The following TSHZ2 variants were observed in gnomAD, a reference collection of about 807,000 sequenced individuals.
TSHZ2 encodes the protein teashirt zinc finger homeobox 2.
Under a neutral mutation model 74.4 loss-of-function variants are expected in TSHZ2, and 21 were observed. That is an observed-to-expected ratio of 0.28 (90% confidence interval 0.20 to 0.41). The LOEUF (loss-of-function observed/expected upper bound fraction) is 0.41, where lower values mean the gene tolerates loss of function less well. Among genes scored for constraint, TSHZ2 ranks in the 10% least tolerant of loss-of-function variants. The pLI, the probability that TSHZ2 is intolerant of heterozygous loss-of-function variation, is 1.00. For missense variants in TSHZ2, 1,244 were observed against 1,293.5 expected (o/e 0.96, Z 0.59); for synonymous variants, 540 against 515.3 (o/e 1.05, Z -0.65).
chr20:53,252,606 C>A (rs1219290052), intron 1 of TSHZ2, among the ~76,000 whole-genome samples: 1 of 152,200 alleles, frequency 6.6e-6, no homozygotes, highest in Non-Finnish European at 1.5e-5. Flanking sequence ...GTCCTAAATC[C>A]TTTCAGAGAA....
chr20:53,327,453 C>T (rs1979542493), intron 2 of TSHZ2, among the ~76,000 whole-genome samples: 2 of 152,122 alleles, frequency 1.3e-5, no homozygotes, highest in African/African-American at 4.8e-5. Flanking sequence ...GGCGCCATTG[C>T]ACTCCAGCTT....
intron 2 of TSHZ2, among the ~76,000 whole-genome samples, chr20:53,259,095 T>C (rs1315838169): frequency 6.6e-6 from 1 of 152,230 alleles, no homozygotes; most frequent in Admixed American, 6.5e-5. Context: ...TGCAATACCT[T>C]GCCCATTGCT....
intron 1 of TSHZ2, among the ~76,000 whole-genome samples, chr20:53,240,727 A>ATAGAT (rs1555839598): frequency 7.1e-6 from 1 of 141,352 alleles, no homozygotes; most frequent in Admixed American, 6.8e-5. Context: ...TAGATGATAG[A>ATAGAT]TAGATAGATA....
At chr20:53,170,954 T>TA (rs11398230) in intron 1 of TSHZ2, among the ~76,000 whole-genome samples, 33,517 of 144,420 alleles carry the variant, frequency 0.23, 3,824 homozygotes, top group East Asian at 0.42. Flanking sequence ...AAAAAGTAAT[T>TA]AAAAAAAAAA....
chr20:53,298,920 G>T (rs1345851603), intron 2 of TSHZ2, among the ~76,000 whole-genome samples: 2 of 152,204 alleles, frequency 1.3e-5, no homozygotes, highest in Non-Finnish European at 2.9e-5. Context: ...GGTAAAATAT[G>T]AAGTGCCTCT....
intron 1 of TSHZ2, among the ~76,000 whole-genome samples, chr20:53,107,288 G>A (rs189168869): frequency 2.6e-5 from 4 of 152,270 alleles, no homozygotes. Flanking sequence ...TCCTCAACCT[G>A]CCAGCCATGT....
In TSHZ2 at chr20:52,973,184, G is replaced by A. The variant is rs1981192217; in HGVS notation, c.-110G>A. The A allele has an allele frequency of 9.1e-6, 13 of 1,425,560 alleles. No individual in the cohort carries two copies. Among genetic ancestry groups the A allele is most frequent in the Admixed American group, 4.1e-5 (2 of 48,742 alleles). 88.3% of individuals were successfully genotyped at this position (1,425,560 alleles called of 1,614,324 possible). A position where few individuals can be genotyped will look rare whatever the true frequency, so the allele number is the denominator to read the frequency against. On this transcript the variant is annotated 5_prime_UTR_variant, in exon 1 of 3. Coordinates refer to ENST00000371497, the MANE Select transcript of TSHZ2 (RefSeq NM_173485.6). ...GGACAGAGGCCGAGTGACGTCCTAG[G>A]AGCCACCGGGCAAGAGGCGGAGGAG... is the stretch of plus-strand genomic sequence containing the variant.
chr20:53,333,544 C>T (rs986279318), intron 2 of TSHZ2, among the ~76,000 whole-genome samples: 1 of 152,088 alleles, frequency 6.6e-6, no homozygotes, highest in African/African-American at 2.4e-5. Flanking sequence ...CAAGCTCCGC[C>T]TCCCGGGTTC....
At chr20:52,998,429 A>G (rs1461627572) in intron 1 of TSHZ2, among the ~76,000 whole-genome samples, 1 of 152,174 alleles carries the variant, frequency 6.6e-6, no homozygotes, top group Non-Finnish European at 1.5e-5. Flanking sequence ...TTGGTTCCCA[A>G]AGTGCTGGGA....
intron 1 of TSHZ2, among the ~76,000 whole-genome samples, chr20:53,076,949 A>G (rs975603333): frequency 6.6e-6 from 1 of 152,250 alleles, no homozygotes; most frequent in Non-Finnish European, 1.5e-5. Context: ...GCATTTTTGT[A>G]TCCGGAAGAA....
At position 53,253,582 on chromosome 20, in the gene TSHZ2, C is replaced by T. The variant is rs1466526990; in HGVS notation, c.124C>T (p.Leu42=). The change falls in exon 2 of 3, where the codon CTG becomes TTG. Residue 42 remains leucine, a synonymous_variant. Coordinates refer to ENST00000371497, the MANE Select transcript of TSHZ2 (RefSeq NM_173485.6). ...GGAGGACAGCGGTTCAGTAGCTCAA[C>T]TGCAGGGTGGCAATGACACAGGGAC... ...EEEDSGSVAQ[L]QGGNDTGTDE... 2.5e-6 allele frequency: 4 copies of T among 1,613,980 alleles called. No homozygotes were observed. In the African/African-American group the frequency reaches 4.0e-5, roughly 16 times the overall value.
intron 1 of TSHZ2, among the ~76,000 whole-genome samples, chr20:53,019,585 G>A (rs374897701): frequency 7.2e-5 from 11 of 152,274 alleles, no homozygotes; most frequent in South Asian, 2.1e-4. Context: ...AGGTGAGCTC[G>A]TGTGATGTAA....
rs112408246 is a variant in TSHZ2 at position 53,294,775 on chromosome 20, T to TAATC, written c.*8+38205_*8+38208dup. 9.2e-3 allele frequency among the ~76,000 whole-genome samples: 1,404 copies of TAATC among 152,316 alleles called. 28 individuals are homozygous for TAATC. Among genetic ancestry groups the TAATC allele is most frequent in the African/African-American group, 0.032 (1,319 of 41,556 alleles). On this transcript the variant is annotated intron_variant, in intron 2 of 2. Coordinates refer to ENST00000371497, the MANE Select transcript of TSHZ2 (RefSeq NM_173485.6). ...TCTGATCTTTTACTCCTCAATCCTCTAATCCTTTTTGTGAGGAATCTTTCA... is the reference window on the plus strand; with the variant it reads ...TCTGATCTTTTACTCCTCAATCCTCTAATCAATCCTTTTTGTGAGGAATCTTTCA...
Position 53,136,998 on chromosome 20 carries a change from G to A in TSHZ2, c.41-116501G>A, listed in dbSNP as rs561275088. Among the ~76,000 whole-genome samples, 9 of 152,234 alleles carry A rather than the reference G, an allele frequency of 5.9e-5. No homozygotes were observed. The South Asian group carries it at 6.2e-4, about 11-fold the overall frequency. ...TTATGTGGTTTAATGGACTGATATC[G>A]TCTAGATGATTCACAAAGCAGGGAG... is the stretch of plus-strand genomic sequence containing the variant. On this transcript the variant is annotated intron_variant, in intron 1 of 2. Transcript: ENST00000371497.
intron 2 of TSHZ2, among the ~76,000 whole-genome samples, chr20:53,387,896 G>T (rs1306374585): frequency 6.6e-6 from 1 of 151,832 alleles, no homozygotes; most frequent in Non-Finnish European, 1.5e-5. Context: ...AAATACAAAA[G>T]AAATTAGCCA....
At chr20:53,231,250 G>A (rs1457667199) in intron 1 of TSHZ2, among the ~76,000 whole-genome samples, 3 of 152,210 alleles carry the variant, frequency 2.0e-5, no homozygotes. Flanking sequence ...ACAGAATATA[G>A]GGCATTCTTG....
chr20:53,125,510 T>C lies in TSHZ2; in HGVS notation c.41-127989T>C, dbSNP rs551855997. 2.0e-5 allele frequency among the ~76,000 whole-genome samples: 3 copies of C among 152,356 alleles called. No individual in the cohort carries two copies. The South Asian group carries it at 6.2e-4, about 32-fold the overall frequency. On this transcript the variant is annotated intron_variant, in intron 1 of 2. Coordinates refer to ENST00000371497, the MANE Select transcript of TSHZ2 (RefSeq NM_173485.6). ...ACTTTCTGGTTGCTCGCTGTATTAC[T>C]ATTATTGAATAATCATGAATTGAGC...
At chr20:53,190,137 A>ATATTTT (rs1568803538) in intron 1 of TSHZ2, among the ~76,000 whole-genome samples, 1 of 90,494 alleles carries the variant, frequency 1.1e-5, no homozygotes, top group African/African-American at 4.1e-5. Flanking sequence ...ATATATATAT[A>ATATTTT]TTTTCTTAAA....
At chr20:53,070,602 C>G (rs1047629540) in intron 1 of TSHZ2, among the ~76,000 whole-genome samples, 1 of 152,170 alleles carries the variant, frequency 6.6e-6, no homozygotes, top group Non-Finnish European at 1.5e-5. Context: ...ATTACTCCTT[C>G]ACACTTAAAC....
Sources: gnomAD v4.1 joint callset for allele counts (sites outside exome capture counted in the v4.1 genomes callset) on GRCh38, gnomAD v4.1.1 for gene constraint, MANE v1.5 for transcripts, NCBI Gene and HGNC (gene_info 2026-07-23, HGNC 2026-07-21) for gene names.